SERPINB5: variants seen among roughly 807,000 people sequenced by gnomAD.
The protein encoded by SERPINB5 is serpin family B member 5.
SERPINB5 carries 27 observed loss-of-function variants against 32.2 expected under a neutral mutation model. The ratio of observed to expected loss-of-function variants is 0.84; its 90% CI spans 0.62 to 1.16. The LOEUF is 1.16. Ranked by LOEUF, SERPINB5 falls within the 50% of genes most tolerant of loss-of-function variation. SERPINB5 has a pLI of 0.00. For missense variants in SERPINB5, 388 were observed against 436.3 expected, an observed-to-expected ratio of 0.89 and a Z score of 0.99; for synonymous variants, 154 against 157.4, an observed-to-expected ratio of 0.98 and a Z score of 0.16.
At position 63,482,219 on chromosome 18, in the gene SERPINB5, C is replaced by T. The variant is rs1298460085; in HGVS notation, c.-7-2203C>T. Among the ~76,000 whole-genome samples, 4 of 152,184 alleles carry T rather than the reference C, an allele frequency of 2.6e-5. 1 individual carries two copies. The highest frequency in any genetic ancestry group is 4.8e-5 in the African/African-American group (2 of 41,446). ...GGAGTCCTCTCCTCCATCTTATTCT[C>T]GTCTTTGCATTCTGAATTTGTGTCC... On this transcript the variant is annotated intron_variant, in intron 1 of 6. Coordinates refer to ENST00000382771, the MANE Select transcript of SERPINB5 (RefSeq NM_002639.5).
At position 63,489,473 on chromosome 18, in the gene SERPINB5, C is replaced by T. The variant is rs542715996; in HGVS notation, c.424+9C>T. On this transcript the variant is annotated intron_variant, in intron 4 of 6. Coordinates refer to ENST00000382771, the MANE Select transcript of SERPINB5 (RefSeq NM_002639.5). ...TAAGGATCTCACAGATGGCAAGTAC[C>T]CTTTAATTGTTCTGCTATCAATCAC... 8.8e-6 allele frequency: 13 copies of T among 1,485,252 alleles called. No individual in the cohort carries two copies. The highest frequency in any genetic ancestry group is 4.2e-5 in the African/African-American group (3 of 71,926). 92.0% of individuals were successfully genotyped at this position (1,485,252 alleles called of 1,614,324 possible).
intron 4 of SERPINB5, among the ~76,000 whole-genome samples, chr18:63,492,430 T>C (rs577525262): frequency 1.3e-5 from 2 of 152,370 alleles, no homozygotes; most frequent in African/African-American, 2.4e-5. Flanking sequence ...CTTTGCCTTA[T>C]AGGACCATTG....
At chr18:63,484,401 C>T in intron 1 of SERPINB5, 21 bp from the exon 2 acceptor site, 5 of 1,595,856 alleles carry the variant, frequency 3.1e-6, no homozygotes, top group South Asian at 1.1e-5. Context: ...AAACTAACTG[C>T]TCCCTTGTCC....
At chr18:63,488,543 T>G (rs1261906027) in intron 3 of SERPINB5, among the ~76,000 whole-genome samples, 1 of 152,172 alleles carries the variant, frequency 6.6e-6, no homozygotes, top group East Asian at 1.9e-4. Context: ...TCTGCAAATT[T>G]ACTAGTTAAA....
At chr18:63,499,047 G>GTA (rs55944702) in intron 5 of SERPINB5, 73 bp from the exon 6 acceptor site, 5,500 of 494,064 alleles carry the variant, frequency 0.011, 17 homozygotes, top group African/African-American at 0.028. Flanking sequence ...GCGCGTGTGT[G>GTA]TATATATATA....
intron 3 of SERPINB5, 27 bp from the exon 4 acceptor site, chr18:63,489,320 T>C: frequency 7.6e-7 from 1 of 1,323,952 alleles, no homozygotes; most frequent in Non-Finnish European, 1.1e-6. Flanking sequence ...CTACAGACTC[T>C]GATTTTATGA....
chr18:63,489,544 A>T (rs964095698), intron 4 of SERPINB5, 80 bp downstream of exon 4: 16 of 754,128 alleles, frequency 2.1e-5, no homozygotes, highest in African/African-American at 3.8e-5. Context: ...CTCCAAGGAT[A>T]AAAAAAACAT....
intron 6 of SERPINB5, among the ~76,000 whole-genome samples, chr18:63,501,519 T>C (rs1909571790): frequency 6.6e-6 from 1 of 152,202 alleles, no homozygotes; most frequent in South Asian, 2.1e-4. Context: ...TGCATGTGTC[T>C]TTATAGCAGC....
In SERPINB5 at chr18:63,493,624, C is replaced by T. The variant is rs189169609; in HGVS notation, c.567+529C>T. On this transcript the variant is annotated intron_variant, in intron 5 of 6. Transcript: ENST00000382771. ...CTGTAATCCCATGACTTTGGGAAGC[C>T]GAGGAGGGCAGATCACCTGAGGTCA... 2.3e-3 allele frequency: 369 copies of T among 161,672 alleles called. 4 individuals are homozygous for T. Among genetic ancestry groups the T allele is most frequent in the Admixed American group, 0.021 (342 of 16,260 alleles). 10.0% of individuals were successfully genotyped at this position (161,672 alleles called of 1,614,324 possible).
At chr18:63,492,884 T>C (rs1246620650) in intron 4 of SERPINB5, 69 bp from the exon 5 acceptor site, 4 of 1,552,988 alleles carry the variant, frequency 2.6e-6, no homozygotes, top group Middle Eastern at 3.5e-4. Context: ...TCAGTGAATA[T>C]GCATGTGAAT....
intron 5 of SERPINB5, among the ~76,000 whole-genome samples, chr18:63,494,321 CAAAA>C (rs372412366): frequency 1.5e-4 from 7 of 46,698 alleles, no homozygotes; most frequent in African/African-American, 5.6e-4. Flanking sequence ...GACTCCATCT[CAAAA>C]AAAAAAAAAA....
At chr18:63,488,605 G>A (rs992951856) in intron 3 of SERPINB5, among the ~76,000 whole-genome samples, 1 of 152,066 alleles carries the variant, frequency 6.6e-6, no homozygotes, top group Non-Finnish European at 1.5e-5. Flanking sequence ...AACTATCTGG[G>A]TGTTAAAAGG....
At chr18:63,500,764 C>T (rs1388494512) in intron 6 of SERPINB5, among the ~76,000 whole-genome samples, 1 of 152,174 alleles carries the variant, frequency 6.6e-6, no homozygotes, top group African/African-American at 2.4e-5. Flanking sequence ...TCCACATGGG[C>T]CTCAGTGATT....
intron 4 of SERPINB5, among the ~76,000 whole-genome samples, chr18:63,491,404 C>CAAAAAAA (rs1555670766): frequency 7.4e-5 from 6 of 81,426 alleles, no homozygotes; most frequent in African/African-American, 2.6e-4. Context: ...CTGCGTCTCC[C>CAAAAAAA]AAAAAAAAAA....
rs201910101 is a variant in SERPINB5, at chr18:63,503,307, T to A, written c.736-23T>A. ...ACAGTTGGAAATAAATAAAAATAAT[T>A]TCTTTTCATTTTTGTCCTTCAGATT... is the stretch of plus-strand genomic sequence containing the variant. On this transcript the variant is annotated intron_variant, in intron 6 of 6. Transcript: ENST00000382771. 1.9e-6 allele frequency: 3 copies of A among 1,590,908 alleles called. No homozygotes were observed. In the East Asian group the frequency reaches 6.8e-5, roughly 36 times the overall value.
chr18:63,503,740 A>G lies in SERPINB5; in HGVS notation c.*18A>G, dbSNP rs749214578. ...CTCCTTAAGTGGCATAGCCCATGTT[A>G]AGTCCTCCCTGACTTTTCTGTGGAT... On this transcript the variant is annotated 3_prime_UTR_variant, in exon 7 of 7. Coordinates refer to ENST00000382771, the MANE Select transcript of SERPINB5 (RefSeq NM_002639.5). The G allele has an allele frequency of 1.9e-6, 3 of 1,611,612 alleles. No homozygotes were observed. The South Asian group carries it at 3.3e-5, about 18-fold the overall frequency.
At chr18:63,485,212 T>G (rs2144496036) in intron 2 of SERPINB5, among the ~76,000 whole-genome samples, 1 of 152,322 alleles carries the variant, frequency 6.6e-6, no homozygotes, top group African/African-American at 2.4e-5. Flanking sequence ...GCAGCATCTG[T>G]ATCGTTTTAG....
At position 63,484,390 on chromosome 18, in the gene SERPINB5, G is replaced by A. The variant is rs1296426844; in HGVS notation, c.-7-32G>A. ...TTGAGAAGACGTTAAAGATGCTTTA[G>A]AAACTAACTGCTCCCTTGTCCTTGC... On this transcript the variant is annotated intron_variant, in intron 1 of 6. Coordinates refer to ENST00000382771, the MANE Select transcript of SERPINB5 (RefSeq NM_002639.5). 1.9e-6 allele frequency: 3 copies of A among 1,581,126 alleles called. No individual in the cohort carries two copies. The East Asian group carries it at 6.9e-5, about 36-fold the overall frequency.
chr18:63,500,953 T>C (rs147509352), intron 6 of SERPINB5, among the ~76,000 whole-genome samples: 11 of 152,362 alleles, frequency 7.2e-5, no homozygotes, highest in Non-Finnish European at 1.5e-4. Context: ...TATCCAGCTG[T>C]CTTGGATTTT....
Sources: gnomAD v4.1 joint callset for allele counts (sites outside exome capture counted in the v4.1 genomes callset) on GRCh38, gnomAD v4.1.1 for gene constraint, MANE v1.5 for transcripts, NCBI Gene and HGNC (gene_info 2026-07-23, HGNC 2026-07-21) for gene names.